PCSK2: variants seen among roughly 807,000 people sequenced by gnomAD.
PCSK2 encodes neuroendocrine convertase 2.
PCSK2 carries 14 observed loss-of-function variants against 69.7 expected under a neutral mutation model. That is an observed-to-expected ratio of 0.20 (90% CI 0.13 to 0.31). The LOEUF (loss-of-function observed/expected upper bound fraction) is 0.31. Among genes scored for constraint, PCSK2 ranks in the 10% least tolerant of loss-of-function variants. The pLI is 1.00. For missense variants in PCSK2, 544 were observed against 842.5 expected, an observed-to-expected ratio of 0.65 and a Z score of 4.39; for synonymous variants, 307 against 320.7, an observed-to-expected ratio of 0.96 and a Z score of 0.46.
At chr20:17,230,457 C>T (rs1295785801) in intron 1 of PCSK2, among the ~76,000 whole-genome samples, 1 of 152,200 alleles carries the variant, frequency 6.6e-6, no homozygotes, top group Non-Finnish European at 1.5e-5. Flanking sequence ...TAAAAGAACT[C>T]AGACTTAAAA....
At chr20:17,262,802 G>A (rs192215033) in intron 2 of PCSK2, among the ~76,000 whole-genome samples, 1 of 152,182 alleles carries the variant, frequency 6.6e-6, no homozygotes, top group African/African-American at 2.4e-5. Context: ...CCAGAAGGAG[G>A]TCCAGGCTTT....
intron 8 of PCSK2, among the ~76,000 whole-genome samples, chr20:17,450,152 C>A (rs1442245584): frequency 6.6e-6 from 1 of 150,518 alleles, no homozygotes; most frequent in Non-Finnish European, 1.5e-5. Flanking sequence ...CCTCAGCCTC[C>A]CGAGTAGCTG....
chr20:17,321,065 C>T (rs1030065655), intron 2 of PCSK2, among the ~76,000 whole-genome samples: 7 of 152,150 alleles, frequency 4.6e-5, no homozygotes, highest in Non-Finnish European at 8.8e-5. Context: ...TGTTGTTATG[C>T]CAACCAATAA....
At chr20:17,252,189 A>G (rs1250718147) in intron 1 of PCSK2, among the ~76,000 whole-genome samples, 1 of 152,134 alleles carries the variant, frequency 6.6e-6, no homozygotes, top group Admixed American at 6.5e-5. Flanking sequence ...GGAATCATGG[A>G]CCTCATTTCT....
intron 5 of PCSK2, among the ~76,000 whole-genome samples, chr20:17,390,374 T>C (rs547403479): frequency 1.6e-4 from 24 of 152,222 alleles, no homozygotes; most frequent in Non-Finnish European, 3.4e-4. Flanking sequence ...GCATGCATGC[T>C]TAAGATCACA....
intron 5 of PCSK2, among the ~76,000 whole-genome samples, chr20:17,404,393 T>A (rs1426227070): frequency 1.3e-5 from 2 of 152,190 alleles, no homozygotes; most frequent in Non-Finnish European, 2.9e-5. Context: ...AACAGGACAC[T>A]CGTAGGTTGA....
chr20:17,394,918 A>C (rs1432690569), intron 5 of PCSK2, among the ~76,000 whole-genome samples: 2 of 152,262 alleles, frequency 1.3e-5, no homozygotes, highest in African/African-American at 4.8e-5. Context: ...GAAAAGAACC[A>C]GAAGTGCATT....
intron 2 of PCSK2, among the ~76,000 whole-genome samples, chr20:17,346,397 C>T (rs1478020860): frequency 6.6e-6 from 1 of 152,146 alleles, no homozygotes; most frequent in Non-Finnish European, 1.5e-5. Flanking sequence ...GACTTCTCCT[C>T]GTCTCCCCAC....
At chr20:17,412,750 T>G (rs1328898141) in intron 6 of PCSK2, among the ~76,000 whole-genome samples, 2 of 151,916 alleles carry the variant, frequency 1.3e-5, no homozygotes, top group Non-Finnish European at 2.9e-5. Flanking sequence ...AAAGTTGAAA[T>G]GAAGGAAAAA....
intron 2 of PCSK2, among the ~76,000 whole-genome samples, chr20:17,333,667 G>A (rs1990261597): frequency 6.6e-6 from 1 of 151,970 alleles, no homozygotes; most frequent in Non-Finnish European, 1.5e-5. Flanking sequence ...TAAGAGAGCA[G>A]TCTCTGGGGC....
At chr20:17,318,216 CA>C (rs1459980810) in intron 2 of PCSK2, among the ~76,000 whole-genome samples, 2 of 152,162 alleles carry the variant, frequency 1.3e-5, no homozygotes, top group Non-Finnish European at 2.9e-5. Flanking sequence ...GCTCAATTTC[CA>C]TCTATAAAGT....
intron 2 of PCSK2, among the ~76,000 whole-genome samples, chr20:17,310,833 T>C (rs1312958496): frequency 1.3e-5 from 2 of 151,620 alleles, no homozygotes; most frequent in Admixed American, 6.6e-5. Flanking sequence ...CTACTAAAAA[T>C]ACAAAAATTT....
intron 5 of PCSK2, among the ~76,000 whole-genome samples, chr20:17,389,664 G>A (rs189382718): frequency 1.6e-3 from 249 of 152,312 alleles, no homozygotes; most frequent in Non-Finnish European, 3.0e-3. Context: ...AATCTGGGGA[G>A]CTGTGAGGAC....
chr20:17,404,090 T>C (rs1489661384), intron 5 of PCSK2, among the ~76,000 whole-genome samples: 1 of 152,130 alleles, frequency 6.6e-6, no homozygotes, highest in African/African-American at 2.4e-5. Context: ...CTCCTCCACC[T>C]TGGGGTGTGG....
rs1282211606 is a variant in PCSK2, at chr20:17,482,360, A to G, written c.*290A>G. ...ATATCCTGAAAAAAAAAAAAAAAAA[A>G]AAACTGGGACAGCTTTCCCCTCATT... On this transcript the variant is annotated 3_prime_UTR_variant, in exon 12 of 12. Transcript: ENST00000262545. 1 of 199,666 alleles carries G rather than the reference A, an allele frequency of 5.0e-6. No homozygotes were observed. The highest frequency in any genetic ancestry group is 1.1e-4 in the East Asian group (1 of 8,844). The allele number at this position is 199,666 out of a possible 1,614,324, so 12.4% of individuals were successfully genotyped here.
intron 2 of PCSK2, among the ~76,000 whole-genome samples, chr20:17,268,031 G>GTATATATATATATA (rs750234336): frequency 0.013 from 1,559 of 117,364 alleles, 54 homozygotes; most frequent in Middle Eastern, 0.016. Context: ...TATATCCAAT[G>GTATATATATATATA]TGTATATATA....
intron 5 of PCSK2, among the ~76,000 whole-genome samples, chr20:17,378,254 G>A (rs1165007893): frequency 1.4e-4 from 21 of 152,054 alleles, no homozygotes; most frequent in Non-Finnish European, 2.9e-5. Context: ...ACCACATGGG[G>A]GATGAACTTG....
chr20:17,274,696 A>T (rs1405587985), intron 2 of PCSK2, among the ~76,000 whole-genome samples: 1 of 152,120 alleles, frequency 6.6e-6, no homozygotes, highest in Non-Finnish European at 1.5e-5. Context: ...CCTGGAGACA[A>T]ACTACCCAGT....
Position 17,483,845 on chromosome 20 carries a change from G to T in PCSK2, c.*1775G>T, listed in dbSNP as rs558200413. 6.6e-6 allele frequency: 1 copy of T among 152,538 alleles called. No homozygotes were observed. The highest frequency in any genetic ancestry group is 1.5e-5 in the Non-Finnish European group (1 of 67,990). The allele number at this position is 152,538 out of a possible 1,614,324, so 9.4% of individuals were successfully genotyped here. A position where few individuals can be genotyped will look rare whatever the true frequency, so the allele number is the denominator to read the frequency against. On this transcript the variant is annotated 3_prime_UTR_variant, in exon 12 of 12. Coordinates refer to ENST00000262545, the MANE Select transcript of PCSK2 (RefSeq NM_002594.5). Reference sequence around the variant, plus strand: ...ATCGAAAATTCATTTCACATTAATGGTCTAAAAATAAACCAAAGGACATTA... The same window carrying T: ...ATCGAAAATTCATTTCACATTAATGTTCTAAAAATAAACCAAAGGACATTA...
Sources: gnomAD v4.1 joint callset for allele counts (sites outside exome capture counted in the v4.1 genomes callset) on GRCh38, gnomAD v4.1.1 for gene constraint, MANE v1.5 for transcripts, NCBI Gene and HGNC (gene_info 2026-07-23, HGNC 2026-07-21) for gene names.